The following XRCC4 variants were observed in gnomAD, a reference collection of about 807,000 sequenced individuals.
XRCC4 encodes DNA repair protein XRCC4.
In XRCC4, 28 loss-of-function variants were observed where a neutral mutation model predicts 39.1. That is an observed-to-expected ratio of 0.72 (90% confidence interval 0.53 to 0.98). The LOEUF is 0.98. XRCC4 is among the 50% of genes least tolerant of loss of function. XRCC4 has a pLI of 0.00. For synonymous variants in XRCC4, 123 were observed against 126.4 expected (o/e 0.97, Z 0.18); for missense variants, 350 against 376.4 (o/e 0.93, Z 0.58).
the XRCC4 span, among the ~76,000 whole-genome samples, chr5:83,371,254 C>A: frequency 1.3e-5 from 2 of 152,194 alleles, no homozygotes; most frequent in African/African-American, 4.8e-5. Flanking sequence ...CTTTCCAAAT[C>A]CTGATTAGGC....
chr5:83,358,784 C>G (rs1245268563), downstream of XRCC4, among the ~76,000 whole-genome samples: 1 of 152,160 alleles, frequency 6.6e-6, no homozygotes, highest in Non-Finnish European at 1.5e-5. Flanking sequence ...CCTGTTCATA[C>G]AAGACCCTTC....
rs544695331 is a variant in XRCC4 at position 83,353,360 on chromosome 5, A to G, written c.*118A>G. 3 of 767,082 alleles carry G rather than the reference A, an allele frequency of 3.9e-6. No homozygotes were observed. Among genetic ancestry groups the G allele is most frequent in the Admixed American group, 2.8e-5 (1 of 35,886 alleles). 47.5% of individuals were successfully genotyped at this position (767,082 alleles called of 1,614,324 possible). ...TTACCGTATCTTACAATTTAATTACATACACAGTGAATTGAAACCATTGTG... is the reference window on the plus strand; with the variant it reads ...TTACCGTATCTTACAATTTAATTACGTACACAGTGAATTGAAACCATTGTG... On this transcript the variant is annotated 3_prime_UTR_variant, in exon 8 of 8. Coordinates refer to ENST00000396027, the MANE Select transcript of XRCC4 (RefSeq NM_003401.5).
intron 1 of XRCC4, among the ~76,000 whole-genome samples, chr5:83,090,676 A>T (rs1745385184): frequency 6.6e-6 from 1 of 152,098 alleles, no homozygotes. Flanking sequence ...CTCCATCCTG[A>T]GGCTGTCTAG....
chr5:83,130,749 A>T (rs1246005669), intron 3 of XRCC4, among the ~76,000 whole-genome samples: 1 of 152,080 alleles, frequency 6.6e-6, no homozygotes, highest in East Asian at 1.9e-4. Context: ...TTTCTAGTTT[A>T]TTTGCGAAGA....
At chr5:83,209,105 T>A (rs1042574353) in intron 6 of XRCC4, among the ~76,000 whole-genome samples, 5 of 151,766 alleles carry the variant, frequency 3.3e-5, no homozygotes, top group Admixed American at 2.6e-4. Context: ...TGTGTGTGTG[T>A]GTGTGTGTGT....
chr5:83,211,415 G>T (rs771889898), intron 6 of XRCC4, among the ~76,000 whole-genome samples: 1 of 152,316 alleles, frequency 6.6e-6, no homozygotes, highest in Middle Eastern at 3.4e-3. Flanking sequence ...GGTGTGTTAG[G>T]CCAATGGATC....
At chr5:83,159,826 T>G (rs1749122965) in intron 3 of XRCC4, among the ~76,000 whole-genome samples, 2 of 152,148 alleles carry the variant, frequency 1.3e-5, no homozygotes, top group African/African-American at 4.8e-5. Context: ...CCAAATAAGA[T>G]TTTACCTGTA....
At chr5:83,235,627 C>A (rs1685106159) in intron 6 of XRCC4, among the ~76,000 whole-genome samples, 1 of 151,914 alleles carries the variant, frequency 6.6e-6, no homozygotes, top group Admixed American at 6.6e-5. Flanking sequence ...GGGAAAAAAA[C>A]AAAAGTCTTT....
chr5:83,144,763 GTC>G (rs1748371139), intron 3 of XRCC4, among the ~76,000 whole-genome samples: 1 of 151,512 alleles, frequency 6.6e-6, no homozygotes, highest in South Asian at 2.1e-4. Flanking sequence ...CAAGTTCATT[GTC>G]TCTATTTTCA....
chr5:83,098,448 A>AGGT (rs373674766), intron 1 of XRCC4, among the ~76,000 whole-genome samples: 2 of 152,142 alleles, frequency 1.3e-5, no homozygotes, highest in African/African-American at 4.8e-5. Context: ...ATACCTGGAC[A>AGGT]GGTGGTTACC....
chr5:83,148,474 T>C (rs1748559611), intron 3 of XRCC4, among the ~76,000 whole-genome samples: 1 of 152,182 alleles, frequency 6.6e-6, no homozygotes, highest in Non-Finnish European at 1.5e-5. Flanking sequence ...GTATCAACTG[T>C]ACTTGGTGGA....
intron 6 of XRCC4, among the ~76,000 whole-genome samples, chr5:83,245,270 A>G (rs1753059329): frequency 6.6e-6 from 1 of 152,010 alleles, no homozygotes; most frequent in Non-Finnish European, 1.5e-5. Flanking sequence ...AAATCATTAG[A>G]GTACCCTGTT....
chr5:83,162,713 A>G (rs1749273099), intron 3 of XRCC4, among the ~76,000 whole-genome samples: 1 of 152,126 alleles, frequency 6.6e-6, no homozygotes, highest in Non-Finnish European at 1.5e-5. Flanking sequence ...GTGGGTTTCT[A>G]GAAACATAAA....
chr5:83,167,066 G>C (rs1320280865), intron 3 of XRCC4, among the ~76,000 whole-genome samples: 1 of 151,758 alleles, frequency 6.6e-6, no homozygotes, highest in Non-Finnish European at 1.5e-5. Context: ...ATTTTTAGTA[G>C]AGATGGTATT....
chr5:83,192,094 T>C (rs1373329018), intron 3 of XRCC4, among the ~76,000 whole-genome samples: 2 of 151,790 alleles, frequency 1.3e-5, no homozygotes, highest in African/African-American at 4.8e-5. Context: ...AAGCTAAAAG[T>C]ATTTATTCTA....
At chr5:83,257,100 C>T (rs1753571699) in intron 6 of XRCC4, among the ~76,000 whole-genome samples, 1 of 152,090 alleles carries the variant, frequency 6.6e-6, no homozygotes, top group Non-Finnish European at 1.5e-5. Context: ...TCAAGTAAAG[C>T]ATGAACTACA....
chr5:83,313,332 T>C (rs28360305), intron 7 of XRCC4, among the ~76,000 whole-genome samples: 62 of 152,222 alleles, frequency 4.1e-4, no homozygotes, highest in African/African-American at 1.4e-3. Flanking sequence ...TCCCTGTCCA[T>C]TGAAATCTTC....
At chr5:83,351,820 A>T (rs1204620710) in intron 7 of XRCC4, among the ~76,000 whole-genome samples, 2 of 152,168 alleles carry the variant, frequency 1.3e-5, no homozygotes, top group African/African-American at 4.8e-5. Flanking sequence ...GCCAAGGAGA[A>T]CTCATTTCTA....
At chr5:83,247,068 A>G (rs2112862982) in intron 6 of XRCC4, among the ~76,000 whole-genome samples, 1 of 152,218 alleles carries the variant, frequency 6.6e-6, no homozygotes, top group East Asian at 1.9e-4. Context: ...ATATTTTAAA[A>G]TAGTTCTGCT....
Sources: gnomAD v4.1 joint callset for allele counts (sites outside exome capture counted in the v4.1 genomes callset) on GRCh38, gnomAD v4.1.1 for gene constraint, MANE v1.5 for transcripts, NCBI Gene and HGNC (gene_info 2026-07-23, HGNC 2026-07-21) for gene names.